COL11A2: variants seen among roughly 807,000 people sequenced by gnomAD.
COL11A2 encodes the protein collagen alpha-2(XI) chain.
In COL11A2, 116 loss-of-function variants were observed where a neutral mutation model predicts 273.4. The ratio of observed to expected loss-of-function variants is 0.42; its 90% CI spans 0.36 to 0.49. The LOEUF (loss-of-function observed/expected upper bound fraction) is 0.49, where lower values mean the gene tolerates loss of function less well. Among genes scored for constraint, COL11A2 ranks in the 20% least tolerant of loss-of-function variants. The pLI, the probability that COL11A2 is intolerant of heterozygous loss-of-function variation, is 0.00. For synonymous variants in COL11A2, 782 were observed against 864.2 expected (o/e 0.90, Z 1.67); for missense variants, 1,866 against 2,309.0 (o/e 0.81, Z 3.93).
In COL11A2 at chr6:33,179,039, C is replaced by T. The variant is rs758096655; in HGVS notation, c.1611+34G>A. 19 of 1,613,900 alleles carry T rather than the reference C, an allele frequency of 1.2e-5. No individual in the cohort carries two copies. Among genetic ancestry groups the T allele is most frequent in the South Asian group, 8.8e-5 (8 of 91,084 alleles). ...GTCCCCTACCCTGCAGGCCCTGTCT[C>T]CCCACAACACCCATCCACCCCTGGG... On this transcript the variant is annotated intron_variant, in intron 16 of 65. Coordinates refer to ENST00000341947, the MANE Select transcript of COL11A2 (RefSeq NM_080680.3). The surrounding 1 kb of genome is among the most constrained non-coding windows in gnomAD (Gnocchi z 6.4).
intron 1 of COL11A2, among the ~76,000 whole-genome samples, chr6:33,191,813 T>C (rs894994187): frequency 2.0e-5 from 3 of 152,190 alleles, no homozygotes; most frequent in Non-Finnish European, 2.9e-5. Context: ...CCATCAACAT[T>C]GGCGTCTACC....
In COL11A2 at chr6:33,179,361, C is replaced by T. The variant is rs1771398359; in HGVS notation, c.1503+70G>A. 4.4e-6 allele frequency: 7 copies of T among 1,573,786 alleles called. No individual in the cohort carries two copies. The highest frequency in any genetic ancestry group is 6.0e-6 in the Non-Finnish European group (7 of 1,159,684). On this transcript the variant is annotated intron_variant, in intron 14 of 65. Transcript: ENST00000341947. The surrounding 1 kb of genome is among the most constrained non-coding windows in gnomAD (Gnocchi z 6.4). The stretch of plus-strand genomic sequence containing the variant: ...CCTCGGAGTGTTCCCCAAAAGAAGC[C>T]CCTTTCCAGAACTATCCACACCCCA...
At position 33,167,772 on chromosome 6, in the gene COL11A2, C is replaced by G. The variant is rs1168695513; in HGVS notation, c.4014+27G>C. On this transcript the variant is annotated intron_variant, in intron 55 of 65. Coordinates refer to ENST00000341947, the MANE Select transcript of COL11A2 (RefSeq NM_080680.3). The surrounding 1 kb of genome is among the most constrained non-coding windows in gnomAD (Gnocchi z 6.1). ...AGGGGTGGGAGGCGGAGGGGATGCT[C>G]CAGCACTAGGGCAGCCTGTCCCTCA... 1 of 1,612,406 alleles carries G rather than the reference C, an allele frequency of 6.2e-7. No individual in the cohort carries two copies. The highest frequency in any genetic ancestry group is 8.5e-7 in the Non-Finnish European group (1 of 1,179,838).
Position 33,167,877 on chromosome 6 carries a change from G to A in COL11A2, c.3961-25C>T. The A allele has an allele frequency of 1.2e-6, 2 of 1,612,576 alleles. No homozygotes were observed. Among genetic ancestry groups the A allele is most frequent in the Non-Finnish European group, 1.7e-6 (2 of 1,179,864 alleles). On this transcript the variant is annotated intron_variant, in intron 54 of 65. Transcript: ENST00000341947. This position sits in a 1 kb window ranked among gnomAD's most constrained non-coding sequence, Gnocchi z 6.1. The stretch of plus-strand genomic sequence containing the variant: ...CCTGCAGGTGGAGTGGGAAGGAAGA[G>A]CACATGAGGCCGTGGGCAGCCAGGC...
Position 33,167,527 on chromosome 6 carries a change from G to A in COL11A2, c.4021C>T (p.Pro1341Ser). ...RQGGKGAKGD[P>S]GAIGAPGKTG... ...TTCCCCGGGGCACCTATAGCGCCAG[G>A]ATCTCCCTGAAACACACACAAGGAA... Residue 1341 changes from proline (P) to serine (S), a missense_variant, in exon 56 of 66, where the codon CCT becomes TCT. Physicochemically the swap from Pro to Ser is moderately conservative, Grantham distance 74. Transcript: ENST00000341947. This position sits in a 1 kb window ranked among gnomAD's most constrained non-coding sequence, Gnocchi z 6.1. 5 of 1,612,784 alleles carry A rather than the reference G, an allele frequency of 3.1e-6. No individual in the cohort carries two copies. In the East Asian group the frequency reaches 6.7e-5, roughly 22 times the overall value.
chr6:33,171,137 G>A lies in COL11A2; in HGVS notation c.3343C>T (p.Pro1115Ser), dbSNP rs372806452. ...ACCGCTGCTCCAGGCTGCCCCACAGGACCAATGGGTCCAGGGGGTCCAGGA... is the reference window on the plus strand; with the variant it reads ...ACCGCTGCTCCAGGCTGCCCCACAGAACCAATGGGTCCAGGGGGTCCAGGA... ...GPPGPPGPIG[P>S]VGQPGAAGAD... Residue 1115 changes from proline (P) to serine (S), a missense_variant, in exon 45 of 66, where the codon CCT becomes TCT. By Grantham distance (74) the Pro-to-Ser change is moderately conservative. Coordinates refer to ENST00000341947, the MANE Select transcript of COL11A2 (RefSeq NM_080680.3). 33 of 1,593,834 alleles carry A rather than the reference G, an allele frequency of 2.1e-5. No individual in the cohort carries two copies. In the African/African-American group the frequency reaches 4.3e-4, roughly 21 times the overall value.
At chr6:33,192,605 T>A (rs1265069282), upstream of COL11A2, 1 of 390,638 alleles carries the variant, frequency 2.6e-6, no homozygotes, top group Non-Finnish European at 4.7e-6. Context: ...GCGGGAACCC[T>A]CCCTCTATCG....
intron 5 of COL11A2, chr6:33,186,386 A>AGTGT (rs1298707582): frequency 1.4e-6 from 2 of 1,407,958 alleles, no homozygotes; most frequent in African/African-American, 2.9e-5. Flanking sequence ...CCAGGGACAC[A>AGTGT]GTTCCAGGAA....
Position 33,169,537 on chromosome 6 carries a change from TC to T in COL11A2, c.3691-48del. 1 of 1,572,802 alleles carries T rather than the reference TC, an allele frequency of 6.4e-7. No individual in the cohort carries two copies. Among genetic ancestry groups the T allele is most frequent in the Non-Finnish European group, 8.7e-7 (1 of 1,145,186 alleles). On this transcript the variant is annotated intron_variant, in intron 50 of 65. Coordinates refer to ENST00000341947, the MANE Select transcript of COL11A2 (RefSeq NM_080680.3). The surrounding 1 kb of genome is among the most constrained non-coding windows in gnomAD (Gnocchi z 5.5). Reference sequence around the variant, plus strand: ...CAGATGGCCCAGGGAATCTTGAAGATCAGGGATGCAGCCTCTGCTTCCGAGA... The same window carrying T: ...CAGATGGCCCAGGGAATCTTGAAGATAGGGATGCAGCCTCTGCTTCCGAGA...
intron 30 of COL11A2, 77 bp downstream of exon 30, chr6:33,175,497 G>A (rs780543206): frequency 3.8e-5 from 45 of 1,198,006 alleles, no homozygotes; most frequent in Admixed American, 1.2e-4. Flanking sequence ...TGACTTCAGC[G>A]GCGGGCACCC....
chr6:33,166,316 G>A lies in COL11A2; in HGVS notation c.4393-110C>T. On this transcript the variant is annotated intron_variant, in intron 60 of 65. Transcript: ENST00000341947. The surrounding 1 kb of genome is among the most constrained non-coding windows in gnomAD (Gnocchi z 4.8). ...ACAGGAGCCTCGGGTTACTACAGGAGGGGCAGTCTTGTGGGAATACTAGGA... is the reference window on the plus strand; with the variant it reads ...ACAGGAGCCTCGGGTTACTACAGGAAGGGCAGTCTTGTGGGAATACTAGGA... 3 of 1,404,380 alleles carry A rather than the reference G, an allele frequency of 2.1e-6. No individual in the cohort carries two copies. Among genetic ancestry groups the A allele is most frequent in the South Asian group, 2.6e-5 (2 of 76,342 alleles). The allele number at this position is 1,404,380 out of a possible 1,614,324, so 87.0% of individuals were successfully genotyped here. A position where few individuals can be genotyped will look rare whatever the true frequency, so the allele number is the denominator to read the frequency against.
At chr6:33,185,915 TTGAAGA>T in intron 5 of COL11A2, 137 bp from the exon 6 acceptor site, 1 of 391,432 alleles carries the variant, frequency 2.6e-6, no homozygotes, top group South Asian at 1.9e-5. Context: ...AAACAGAGAG[TTGAAGA>T]TGAAAGGAGA....
At chr6:33,180,455 C>T (rs1328045176) in intron 11 of COL11A2, 123 bp from the exon 12 acceptor site, 4 of 973,826 alleles carry the variant, frequency 4.1e-6, no homozygotes, top group Non-Finnish European at 6.2e-6. Context: ...TTTCCTGAGT[C>T]TCCCACCCCC....
chr6:33,188,637 A>T, intron 3 of COL11A2, 113 bp from the exon 4 acceptor site: 1 of 1,192,336 alleles, frequency 8.4e-7, no homozygotes, highest in Non-Finnish European at 1.2e-6. Context: ...GAGCAGTAAT[A>T]ACAATGGCTA....
Position 33,169,035 on chromosome 6 carries a change from G to T in COL11A2, c.3799-27C>A. On this transcript the variant is annotated intron_variant, in intron 51 of 65. Coordinates refer to ENST00000341947, the MANE Select transcript of COL11A2 (RefSeq NM_080680.3). This position sits in a 1 kb window ranked among gnomAD's most constrained non-coding sequence, Gnocchi z 5.5. ...TGATCCAGATGGAGAATAAGAGTCA[G>T]GGTCACAGCTCCCTAAGCCCACCCA... 1 of 1,595,420 alleles carries T rather than the reference G, an allele frequency of 6.3e-7. No homozygotes were observed. The highest frequency in any genetic ancestry group is 8.5e-7 in the Non-Finnish European group (1 of 1,170,644).
In COL11A2 at chr6:33,170,296, T is replaced by G; in HGVS notation, c.3582+30A>C. 1 of 1,611,072 alleles carries G rather than the reference T, an allele frequency of 6.2e-7. No homozygotes were observed. The highest frequency in any genetic ancestry group is 8.5e-7 in the Non-Finnish European group (1 of 1,178,592). On this transcript the variant is annotated intron_variant, in intron 48 of 65. Coordinates refer to ENST00000341947, the MANE Select transcript of COL11A2 (RefSeq NM_080680.3). The surrounding 1 kb of genome is among the most constrained non-coding windows in gnomAD (Gnocchi z 4.3). Reference sequence around the variant, plus strand: ...GGAGGCAGAAGACCAGACACATTGGTCTCAAGGGACAGGGGCTGAGATGAC... The same window carrying G: ...GGAGGCAGAAGACCAGACACATTGGGCTCAAGGGACAGGGGCTGAGATGAC...
In COL11A2 at chr6:33,175,651, C is replaced by T. The variant is rs1770799762; in HGVS notation, c.2299G>A (p.Glu767Lys). The change falls in exon 30 of 66, where the codon GAG (glutamate) becomes AAG (lysine). Residue 767 changes from glutamate to lysine, a missense_variant. Physicochemically the swap from Glu to Lys is moderately conservative, Grantham distance 56. Transcript: ENST00000341947. ...CCCTTTGGCCCCTCAGGACCATCCT[C>T]TCCCCTGGAACCAGGGACTCCAACT... is the stretch of plus-strand genomic sequence containing the variant. ...GEVGVPGSRG[E>K]DGPEGPKGRT... 6.2e-7 allele frequency: 1 copy of T among 1,613,034 alleles called. No individual in the cohort carries two copies. Among genetic ancestry groups the T allele is most frequent in the Non-Finnish European group, 8.5e-7 (1 of 1,180,022 alleles).
At chr6:33,182,794 T>G (rs1174761000) in intron 8 of COL11A2, among the ~76,000 whole-genome samples, 4 of 151,418 alleles carry the variant, frequency 2.6e-5, no homozygotes, top group African/African-American at 9.7e-5. Context: ...GCCCACCAGT[T>G]CCCTCCCTTG....
Position 33,192,166 on chromosome 6 carries a change from G to T in COL11A2, c.75C>A (p.Gly25=), listed in dbSNP as rs1296638479. ...PLVLGLSAAP[G]WAGAPPVDVL... The stretch of plus-strand genomic sequence containing the variant: ...CATCAGGACTCCTCTTACCTGCCCA[G>T]CCTGGGGCCGCGCTCAGCCCCAGCA... Residue 25 remains glycine (G), a synonymous_variant, in exon 1 of 66, where the codon GGC becomes GGA. Coordinates refer to ENST00000341947, the MANE Select transcript of COL11A2 (RefSeq NM_080680.3). 1.9e-6 allele frequency: 3 copies of T among 1,558,068 alleles called. No homozygotes were observed. The highest frequency in any genetic ancestry group is 2.6e-6 in the Non-Finnish European group (3 of 1,150,760).
Sources: allele counts gnomAD v4.1 joint callset (sites outside exome capture counted in the v4.1 genomes callset), GRCh38; gene constraint gnomAD v4.1.1; non-coding constraint Gnocchi (gnomAD v3.1); transcripts MANE v1.5; gene names NCBI Gene and HGNC (gene_info 2026-07-23, HGNC 2026-07-21).